The following CNTN4 variants were observed in gnomAD, a reference collection of about 807,000 sequenced individuals.
CNTN4 encodes contactin 4.
A neutral mutation model predicts 122.5 loss-of-function variants in CNTN4; 77 were observed. That is an observed-to-expected ratio of 0.63 (90% CI 0.52 to 0.76). CNTN4 has a LOEUF of 0.76. CNTN4 is among the 30% of genes least tolerant of loss of function. The pLI is 0.00. For missense variants in CNTN4, 1,256 were observed against 1,259.1 expected (o/e 1.00, Z 0.04); for synonymous variants, 512 against 447.0 (o/e 1.15, Z -1.83).
intron 4 of CNTN4, among the ~76,000 whole-genome samples, chr3:2,601,798 A>G (rs528220997): frequency 6.6e-6 from 1 of 152,296 alleles, no homozygotes; most frequent in Admixed American, 6.5e-5. Flanking sequence ...AAAAAAGAGA[A>G]TTTTAGACCA....
intron 2 of CNTN4, among the ~76,000 whole-genome samples, chr3:2,159,952 C>T (rs1009067065): frequency 1.7e-4 from 26 of 150,830 alleles, no homozygotes; most frequent in Non-Finnish European, 3.2e-4. Flanking sequence ...TTTCTTTTTT[C>T]TTGTTATTGG....
rs562521798 is a variant in CNTN4 at position 2,169,579 on chromosome 3, T to A, written c.-145+68940T>A. The stretch of plus-strand genomic sequence containing the variant: ...CGCCACCACGCCCGGCTGATTTTTT[T>A]GTAGAGACGGGGTTTCACCCTGCTA... On this transcript the variant is annotated intron_variant, in intron 2 of 24. Transcript: ENST00000418658. Among the ~76,000 whole-genome samples, 630 of 150,632 alleles carry A rather than the reference T, an allele frequency of 4.2e-3. 10 individuals carry two copies. In the South Asian group the frequency reaches 0.047, roughly 11 times the overall value.
rs554455384 is a variant in CNTN4, at chr3:2,307,729, T to G, written c.-144-31449T>G. Among the ~76,000 whole-genome samples the G allele has an allele frequency of 7.2e-5, 11 of 152,302 alleles. No individual in the cohort carries two copies. The East Asian group carries it at 2.1e-3, about 29-fold the overall frequency. ...TATGGTGTGCTACATTGATTGATTT[T>G]TATATGTTGAATTAATCTTGCTTTA... On this transcript the variant is annotated intron_variant, in intron 2 of 24. Coordinates refer to ENST00000418658, the MANE Select transcript of CNTN4 (RefSeq NM_175607.3).
intron 24 of CNTN4, 37 bp from the exon 25 acceptor site, chr3:3,056,083 T>C (rs1472775513): frequency 6.5e-7 from 1 of 1,535,104 alleles, no homozygotes; most frequent in South Asian, 1.1e-5. Context: ...GAAGCCGGGA[T>C]GGGGCTGTTT....
At chr3:2,597,089 T>A (rs1396050183) in intron 4 of CNTN4, among the ~76,000 whole-genome samples, 5 of 152,164 alleles carry the variant, frequency 3.3e-5, no homozygotes, top group African/African-American at 4.8e-5. Context: ...TAAGACCAGG[T>A]CACCCAAACT....
chr3:2,598,437 C>G (rs184946533), intron 4 of CNTN4, among the ~76,000 whole-genome samples: 4 of 152,246 alleles, frequency 2.6e-5, no homozygotes, highest in Non-Finnish European at 5.9e-5. Flanking sequence ...TCTCAATATT[C>G]TAATCACGAA....
chr3:2,342,661 C>T (rs1302180403), intron 3 of CNTN4, among the ~76,000 whole-genome samples: 1 of 152,152 alleles, frequency 6.6e-6, no homozygotes, highest in East Asian at 1.9e-4. Flanking sequence ...TTTCCCCTCA[C>T]TTCACTCTCA....
chr3:2,513,917 A>G (rs1302865615), intron 3 of CNTN4, among the ~76,000 whole-genome samples: 2 of 152,148 alleles, frequency 1.3e-5, no homozygotes, highest in South Asian at 2.1e-4. Flanking sequence ...TTAAAGTGCT[A>G]TGAAAGAGAA....
At chr3:2,425,521 T>C (rs2047791601) in intron 3 of CNTN4, among the ~76,000 whole-genome samples, 1 of 152,172 alleles carries the variant, frequency 6.6e-6, no homozygotes, top group Non-Finnish European at 1.5e-5. Context: ...TCCAGCTTTG[T>C]TCTTTTGGTT....
rs1304985355 is a variant in CNTN4, at chr3:2,972,733, A to G, written c.1359-15612A>G. Among the ~76,000 whole-genome samples, 8 of 152,270 alleles carry G rather than the reference A, an allele frequency of 5.3e-5. No individual in the cohort carries two copies. In the East Asian group the frequency reaches 1.3e-3, roughly 26 times the overall value. On this transcript the variant is annotated intron_variant, in intron 13 of 24. Coordinates refer to ENST00000418658, the MANE Select transcript of CNTN4 (RefSeq NM_175607.3). ...TGCCAGAAAACTCCTTTACATATACATAGTGCAATATCTTCAGATATTATC... is the reference window on the plus strand; with the variant it reads ...TGCCAGAAAACTCCTTTACATATACGTAGTGCAATATCTTCAGATATTATC...
chr3:2,143,491 A>G (rs1276806832), intron 2 of CNTN4, among the ~76,000 whole-genome samples: 1 of 152,214 alleles, frequency 6.6e-6, no homozygotes, highest in Non-Finnish European at 1.5e-5. Context: ...AGGAGGTGAT[A>G]CTATTCTCGA....
chr3:2,413,954 T>G (rs1195036398), intron 3 of CNTN4, among the ~76,000 whole-genome samples: 1 of 152,220 alleles, frequency 6.6e-6, no homozygotes, highest in Non-Finnish European at 1.5e-5. Flanking sequence ...AACAACTCAG[T>G]ATTTAGCCTA....
At chr3:2,562,546 C>T (rs1380474399) in intron 3 of CNTN4, among the ~76,000 whole-genome samples, 1 of 152,132 alleles carries the variant, frequency 6.6e-6, no homozygotes, top group East Asian at 1.9e-4. Flanking sequence ...CATCTTCCTG[C>T]AAAGAACATC....
At chr3:3,042,919 A>C in intron 21 of CNTN4, 58 bp from the exon 22 acceptor site, 1 of 1,375,012 alleles carries the variant, frequency 7.3e-7, no homozygotes. Flanking sequence ...TTACCTGATG[A>C]CATTGCAAAT....
At position 2,120,374 on chromosome 3, in the gene CNTN4, AATAT is replaced by A. The variant is rs1185851358; in HGVS notation, c.-145+19764_-145+19767del. On this transcript the variant is annotated intron_variant, in intron 2 of 24. Coordinates refer to ENST00000418658, the MANE Select transcript of CNTN4 (RefSeq NM_175607.3). ...GGTTATATATATATATATATATATA[AATAT>A]ATATATATATATATATATATATATA... 3.2e-3 allele frequency among the ~76,000 whole-genome samples: 190 copies of A among 58,992 alleles called. 1 individual carries two copies. Among genetic ancestry groups the A allele is most frequent in the African/African-American group, 7.8e-3 (108 of 13,882 alleles). The allele number at this position is 58,992 out of a possible 152,430, so 38.7% of individuals were successfully genotyped here.
intron 8 of CNTN4, 188 bp from the exon 9 acceptor site, chr3:2,882,957 T>A (rs1577144323): frequency 1.8e-6 from 1 of 541,812 alleles, no homozygotes; most frequent in East Asian, 3.4e-5. Flanking sequence ...GACACAAATT[T>A]TTCTGTAGCA....
intron 4 of CNTN4, among the ~76,000 whole-genome samples, chr3:2,651,783 A>G (rs2083372462): frequency 6.6e-6 from 1 of 151,132 alleles, no homozygotes; most frequent in African/African-American, 2.4e-5. Flanking sequence ...GCTCACTGCA[A>G]CCTCCACCTC....
intron 3 of CNTN4, among the ~76,000 whole-genome samples, chr3:2,543,947 C>A (rs1045361838): frequency 1.2e-4 from 18 of 152,066 alleles, no homozygotes; most frequent in Non-Finnish European, 1.8e-4. Flanking sequence ...AAGCGACAAG[C>A]CTCTGTGGTA....
At chr3:2,911,745 C>G (rs1439194412) in intron 12 of CNTN4, among the ~76,000 whole-genome samples, 1 of 151,682 alleles carries the variant, frequency 6.6e-6, no homozygotes, top group Non-Finnish European at 1.5e-5. Flanking sequence ...TGAAAATGAG[C>G]CCAAAGAAAT....
Sources: gnomAD v4.1 joint callset for allele counts (sites outside exome capture counted in the v4.1 genomes callset) on GRCh38, gnomAD v4.1.1 for gene constraint, MANE v1.5 for transcripts, NCBI Gene and HGNC (gene_info 2026-07-23, HGNC 2026-07-21) for gene names.